The following SRCAP variants were observed in gnomAD, a reference collection of about 807,000 sequenced individuals.
SRCAP encodes Snf2 related CREBBP activator protein.
In SRCAP, 46 loss-of-function variants were observed where a neutral mutation model predicts 263.1. That is an observed-to-expected ratio of 0.17 (90% CI 0.14 to 0.22). The LOEUF (loss-of-function observed/expected upper bound fraction) is 0.22, where lower values mean the gene tolerates loss of function less well. SRCAP is among the 10% of genes least tolerant of loss of function. The pLI is 1.00. For synonymous variants in SRCAP, 1,813 were observed against 1,662.1 expected (o/e 1.09, Z -2.21); for missense variants, 3,695 against 4,181.9 (o/e 0.88, Z 3.21).
chr16:30,711,203 A>G (rs945698942), intron 10 of SRCAP, 115 bp downstream of exon 10: 3 of 773,826 alleles, frequency 3.9e-6, no homozygotes, highest in Middle Eastern at 3.0e-4. Context: ...TTCCATGTCT[A>G]ATGACTAAGA....
chr16:30,725,257 A>T (rs2053053194), intron 25 of SRCAP, 175 bp downstream of exon 25: 10 of 1,298,560 alleles, frequency 7.7e-6, no homozygotes, highest in Non-Finnish European at 1.0e-5. Context: ...CGTGTACCTC[A>T]TGATCCGCCT....
intron 3 of SRCAP, among the ~76,000 whole-genome samples, chr16:30,702,617 C>CTCCT (rs1248765331): frequency 3.5e-4 from 47 of 134,436 alleles, no homozygotes; most frequent in African/African-American, 6.1e-4. Context: ...CCCTCCCTCC[C>CTCCT]TCCTTCCTTC....
rs747553181 is a variant in SRCAP, at chr16:30,729,206, G to C, written c.5899G>C (p.Asp1967His). The C allele has an allele frequency of 6.2e-7, 1 of 1,609,610 alleles. No individual in the cohort carries two copies. Among genetic ancestry groups the C allele is most frequent in the Non-Finnish European group, 8.5e-7 (1 of 1,176,664 alleles). Residue 1967 changes from aspartate to histidine, a missense_variant, in exon 26 of 34, where the codon GAC becomes CAC. Transcript: ENST00000262518. Reference protein sequence around the residue: ...RAVLFPQQRLDQLSEIIERFI... With the variant: ...RAVLFPQQRLHQLSEIIERFI... ...TGTACTGTTTCCCCAGCAGCGACTAGACCAGCTGTCAGAAATCATTGAGAG... is the reference window on the plus strand; with the variant it reads ...TGTACTGTTTCCCCAGCAGCGACTACACCAGCTGTCAGAAATCATTGAGAG...
rs2053025468 is a variant in SRCAP, at chr16:30,722,880, C to T, written c.3893-83C>T. ...AATATCTATGATACCTGTCTGCCAC[C>T]TTCTCCTGCCCCTGGACTTCTTCCA... On this transcript the variant is annotated intron_variant, in intron 23 of 33. Coordinates refer to ENST00000262518, the MANE Select transcript of SRCAP (RefSeq NM_006662.3). 4 of 1,549,356 alleles carry T rather than the reference C, an allele frequency of 2.6e-6. No individual in the cohort carries two copies. The South Asian group carries it at 4.9e-5, about 19-fold the overall frequency.
In SRCAP at chr16:30,738,837, C is replaced by T. The variant is rs1168408383; in HGVS notation, c.8797C>T (p.Pro2933Ser). Residue 2933 changes from proline to serine, a missense_variant, in exon 34 of 34, where the codon CCT (proline) becomes TCT (serine). By Grantham distance (74) the Pro-to-Ser change is moderately conservative. Around this residue, in one of 12 missense-constraint regions of SRCAP, gnomAD observed 1,207 missense variants for 1,142.9 expected, o/e 1.06. Transcript: ENST00000262518. ...PVHRPNPLLSPVEKRRRGRPP... is the reference protein window; with the variant it reads ...PVHRPNPLLSSVEKRRRGRPP... ...TCACAGACCCAATCCCCTCCTGTCA[C>T]CTGTGGAGAAAAGAAGGCGAGGACG... 2.5e-6 allele frequency: 4 copies of T among 1,614,034 alleles called. No homozygotes were observed. The highest frequency in any genetic ancestry group is 1.1e-5 in the South Asian group (1 of 91,084).
chr16:30,707,388 T>A lies in SRCAP; in HGVS notation c.492+20T>A. 6.2e-7 allele frequency: 1 copy of A among 1,611,290 alleles called. No individual in the cohort carries two copies. The highest frequency in any genetic ancestry group is 2.2e-5 in the East Asian group (1 of 44,864). Reference sequence around the variant, plus strand: ...CGGAAGGTAGGTCTTCCGCTGGGACTTCCTTCCTTTTCCTTTTCAGGTCTG... The same window carrying A: ...CGGAAGGTAGGTCTTCCGCTGGGACATCCTTCCTTTTCCTTTTCAGGTCTG... On this transcript the variant is annotated intron_variant, in intron 5 of 33. Transcript: ENST00000262518.
At position 30,738,136 on chromosome 16, in the gene SRCAP, C is replaced by G; in HGVS notation, c.8096C>G (p.Ala2699Gly). The G allele has an allele frequency of 6.2e-7, 1 of 1,614,176 alleles. No homozygotes were observed. Among genetic ancestry groups the G allele is most frequent in the Non-Finnish European group, 8.5e-7 (1 of 1,180,046 alleles). Residue 2699 changes from alanine to glycine, a missense_variant, in exon 34 of 34, where the codon GCA becomes GGA. Ala to Gly is a moderately conservative substitution (Grantham distance 60, BLOSUM62 0). Coordinates refer to ENST00000262518, the MANE Select transcript of SRCAP (RefSeq NM_006662.3). ...CAGGAACTCGTTACAGCTGAGGTTG[C>G]AGCTCCATCCACCTCATCTTCAGCC... ...KPQELVTAEV[A>G]APSTSSSATS... is the part of the protein sequence containing the mutation.
At position 30,737,987 on chromosome 16, in the gene SRCAP, C is replaced by A; in HGVS notation, c.7947C>A (p.Ser2649Arg). Residue 2649 changes from serine (S) to arginine (R), a missense_variant, in exon 34 of 34, where the codon AGC becomes AGA. Around this residue, in one of 12 missense-constraint regions of SRCAP, gnomAD observed 1,207 missense variants for 1,142.9 expected, o/e 1.06. Transcript: ENST00000262518. ...GEELPLCVSE[S>R]NGLELPPSAA... ...AGTTGCCCCTGTGTGTGAGTGAGAGCAATGGCCTGGAGCTCCCACCCTCAG... is the reference window on the plus strand; with the variant it reads ...AGTTGCCCCTGTGTGTGAGTGAGAGAAATGGCCTGGAGCTCCCACCCTCAG... 1 of 1,614,114 alleles carries A rather than the reference C, an allele frequency of 6.2e-7. No homozygotes were observed. The highest frequency in any genetic ancestry group is 8.5e-7 in the Non-Finnish European group (1 of 1,180,036).
intron 3 of SRCAP, among the ~76,000 whole-genome samples, chr16:30,701,604 C>G (rs932436984): frequency 1.3e-5 from 2 of 150,906 alleles, no homozygotes; most frequent in Non-Finnish European, 2.9e-5. Flanking sequence ...ATCCACCTTT[C>G]AGTAGGACTT....
At position 30,712,808 on chromosome 16, in the gene SRCAP, A is replaced by G. The variant is rs2052905490; in HGVS notation, c.2123A>G (p.Lys708Arg). 1.2e-6 allele frequency: 2 copies of G among 1,614,138 alleles called. No homozygotes were observed. The highest frequency in any genetic ancestry group is 1.7e-6 in the Non-Finnish European group (2 of 1,179,984). Residue 708 changes from lysine to arginine, a missense_variant, in exon 14 of 34, where the codon AAG (lysine) becomes AGG (arginine). Transcript: ENST00000262518. ...GGAGCCCAGAAAGAGAGGAAGCTCAAGCGGCAGGTTCGATGTTTCATGTGG... is the reference window on the plus strand; with the variant it reads ...GGAGCCCAGAAAGAGAGGAAGCTCAGGCGGCAGGTTCGATGTTTCATGTGG... ...YYGAQKERKL[K>R]RQGWTKPNAF...
At chr16:30,736,870 C>T (rs1428264122) in intron 33 of SRCAP, among the ~76,000 whole-genome samples, 179 bp from the exon 34 acceptor site, 4 of 152,006 alleles carry the variant, frequency 2.6e-5, no homozygotes, top group African/African-American at 9.7e-5. Flanking sequence ...ACGGGGGTTT[C>T]ACCATGTTGG....
At chr16:30,716,565 CT>C (rs2052952867) in intron 18 of SRCAP, 86 bp downstream of exon 18, 2 of 1,219,732 alleles carry the variant, frequency 1.6e-6, no homozygotes, top group Non-Finnish European at 2.3e-6. Flanking sequence ...TGGGGTCTGA[CT>C]TTTGCATCCT....
In SRCAP at chr16:30,737,636, T is replaced by G. The variant is rs1043844734; in HGVS notation, c.7596T>G (p.Pro2532=). 1 of 1,613,940 alleles carries G rather than the reference T, an allele frequency of 6.2e-7. No homozygotes were observed. The highest frequency in any genetic ancestry group is 1.3e-5 in the African/African-American group (1 of 74,904). The part of the protein sequence containing the change: ...TPSSPLLLGP[P]SVPISASVTN... ...CCTCTCCTCTCTTGCTTGGTCCACC[T>G]TCTGTGCCCATCTCTGCCTCAGTCA... Residue 2532 remains proline, a synonymous_variant, in exon 34 of 34, where the codon CCT becomes CCG. Transcript: ENST00000262518.
rs10663863 is a variant in SRCAP at position 30,735,567 on chromosome 16, CTTTTTTTTTT to C, written c.6730-620_6730-611del. Among the ~76,000 whole-genome samples, 283 of 69,608 alleles carry C rather than the reference CTTTTTTTTTT, an allele frequency of 4.1e-3. 2 individuals carry two copies. The highest frequency in any genetic ancestry group is 0.016 in the African/African-American group (274 of 16,906). The allele number at this position is 69,608 out of a possible 152,430, so 45.7% of individuals were successfully genotyped here. ...AAAATAATTGCAGTTTTTGACATTACTTTTTTTTTTTTTTTTTTTTTTGGAGACGGAGTCA... is the reference window on the plus strand; with the variant it reads ...AAAATAATTGCAGTTTTTGACATTACTTTTTTTTTTTTGGAGACGGAGTCA... On this transcript the variant is annotated intron_variant, in intron 31 of 33. Transcript: ENST00000262518.
Position 30,738,758 on chromosome 16 carries a change from T to A in SRCAP, c.8718T>A (p.Pro2906=). ...PGPETLIVAD[P]VLEPQLIPGP... ...CTGAGACCCTAATTGTTGCAGATCC[T>A]GTCCTGGAACCACAGCTTATTCCTG... Residue 2906 remains proline, a synonymous_variant, in exon 34 of 34, where the codon CCT becomes CCA. Coordinates refer to ENST00000262518, the MANE Select transcript of SRCAP (RefSeq NM_006662.3). The A allele has an allele frequency of 6.2e-7, 1 of 1,614,054 alleles. No homozygotes were observed. Among genetic ancestry groups the A allele is most frequent in the Non-Finnish European group, 8.5e-7 (1 of 1,179,992 alleles).
intron 31 of SRCAP, among the ~76,000 whole-genome samples, chr16:30,735,870 C>T (rs6565201): frequency 0.38 from 57,873 of 151,490 alleles, 13,808 homozygotes; most frequent in South Asian, 0.69. Context: ...TGAGCCACTG[C>T]GCCCGGGTGA....
chr16:30,713,167 T>C, intron 14 of SRCAP, 41 bp from the exon 15 acceptor site: 1 of 1,603,126 alleles, frequency 6.2e-7, no homozygotes, highest in Non-Finnish European at 8.5e-7. Context: ...CTCTCTTCTT[T>C]TCATCCCACT....
In SRCAP at chr16:30,738,165, T is replaced by C; in HGVS notation, c.8125T>C (p.Ser2709Pro). Residue 2709 changes from serine to proline, a missense_variant, in exon 34 of 34, where the codon TCC (serine) becomes CCC (proline). Coordinates refer to ENST00000262518, the MANE Select transcript of SRCAP (RefSeq NM_006662.3). The stretch of plus-strand genomic sequence containing the variant: ...TCCATCCACCTCATCTTCAGCCACT[T>C]CCTCGCCTGAGGGTCCTTCACCTGC... ...AAPSTSSSAT[S>P]SPEGPSPARP... The C allele has an allele frequency of 6.2e-7, 1 of 1,614,124 alleles. No homozygotes were observed. Among genetic ancestry groups the C allele is most frequent in the Non-Finnish European group, 8.5e-7 (1 of 1,180,018 alleles).
chr16:30,703,490 G>A (rs1330030202), intron 3 of SRCAP, among the ~76,000 whole-genome samples: 1 of 150,332 alleles, frequency 6.7e-6, no homozygotes, highest in Non-Finnish European at 1.5e-5. Context: ...CACCACCCCC[G>A]GCCTATATAT....
Sources: gnomAD v4.1 joint callset for allele counts (sites outside exome capture counted in the v4.1 genomes callset) on GRCh38, gnomAD v4.1.1 for gene constraint, gnomAD v4.1.1 regional missense constraint, MANE v1.5 for transcripts, NCBI Gene and HGNC (gene_info 2026-07-23, HGNC 2026-07-21) for gene names.